LRRK2: variants seen among roughly 807,000 people sequenced by gnomAD.
The protein encoded by LRRK2 is leucine rich repeat kinase 2.
Under a neutral mutation model 302.6 loss-of-function variants are expected in LRRK2, and 203 were observed. That is an observed-to-expected ratio of 0.67 (90% CI 0.60 to 0.75). The LOEUF (loss-of-function observed/expected upper bound fraction) is 0.75. Among genes scored for constraint, LRRK2 ranks in the 30% least tolerant of loss-of-function variants. LRRK2 has a pLI of 0.00. For synonymous variants in LRRK2, 1,066 were observed against 1,031.9 expected, an observed-to-expected ratio of 1.03 and a Z score of -0.63; for missense variants, 2,830 against 2,951.0, an observed-to-expected ratio of 0.96 and a Z score of 0.95.
chr12:40,348,603 A>G, intron 43 of LRRK2, 94 bp downstream of exon 43: 1 of 807,990 alleles, frequency 1.2e-6, no homozygotes, highest in Non-Finnish European at 2.0e-6. Flanking sequence ...TAAACACATA[A>G]ACACACAGAG....
intron 3 of LRRK2, among the ~76,000 whole-genome samples, chr12:40,235,171 G>A (rs1941392874): frequency 6.6e-6 from 1 of 152,116 alleles, no homozygotes. Flanking sequence ...CAGGTTTGTA[G>A]AAAGAAACAA....
rs766833820 is a variant in LRRK2, at chr12:40,232,277, G to A, written c.241G>A (p.Gly81Ser). 6 of 1,611,176 alleles carry A rather than the reference G, an allele frequency of 3.7e-6. No homozygotes were observed. The South Asian group carries it at 6.6e-5, about 18-fold the overall frequency. The change falls in exon 3 of 51, where the codon GGT (glycine) becomes AGT (serine). Residue 81 changes from glycine to serine, a missense_variant. By Grantham distance (56) the Gly-to-Ser change is moderately conservative. Coordinates refer to ENST00000298910, the MANE Select transcript of LRRK2 (RefSeq NM_198578.4). Reference sequence around the variant, plus strand: ...TATATGTCTTTCTTGTTTTCAGGTGGGTTGGTCACTTCTGTGCAAATTAAT... The same window carrying A: ...TATATGTCTTTCTTGTTTTCAGGTGAGTTGGTCACTTCTGTGCAAATTAAT... The part of the protein sequence containing the change: ...YMRVASVQQV[G>S]WSLLCKLIEV...
Position 40,357,479 on chromosome 12 carries a change from T to A in LRRK2, c.6843+1292T>A, listed in dbSNP as rs1946574104. Among the ~76,000 whole-genome samples, 3 of 152,360 alleles carry A rather than the reference T, an allele frequency of 2.0e-5. No individual in the cohort carries two copies. In the South Asian group the frequency reaches 6.2e-4, roughly 32 times the overall value. Reference sequence around the variant, plus strand: ...TATCAGTAGTAACATTGTTGGATTGTATGGTAGTTCTATTTTTAATTTTTT... The same window carrying A: ...TATCAGTAGTAACATTGTTGGATTGAATGGTAGTTCTATTTTTAATTTTTT... On this transcript the variant is annotated intron_variant, in intron 46 of 50. Coordinates refer to ENST00000298910, the MANE Select transcript of LRRK2 (RefSeq NM_198578.4).
At chr12:40,241,846 A>T (rs1941736110) in intron 6 of LRRK2, among the ~76,000 whole-genome samples, 1 of 152,178 alleles carries the variant, frequency 6.6e-6, no homozygotes, top group South Asian at 2.1e-4. Context: ...ATAAAATCAC[A>T]ATGTTTTCTT....
intron 43 of LRRK2, 55 bp downstream of exon 43, chr12:40,348,564 T>A (rs1189821526): frequency 3.9e-6 from 4 of 1,028,368 alleles, no homozygotes; most frequent in East Asian, 2.6e-5. Context: ...CATATATGCA[T>A]ATATATATAA....
chr12:40,255,838 T>C (rs1942475839), intron 11 of LRRK2, among the ~76,000 whole-genome samples: 1 of 152,162 alleles, frequency 6.6e-6, no homozygotes, highest in Non-Finnish European at 1.5e-5. Context: ...ACCAACTCTT[T>C]ATTGTATCTT....
chr12:40,250,278 T>C (rs1251721505), intron 8 of LRRK2, among the ~76,000 whole-genome samples: 1 of 151,988 alleles, frequency 6.6e-6, no homozygotes, highest in Non-Finnish European at 1.5e-5. Context: ...GATCACAAGG[T>C]CAGGAGTTCG....
chr12:40,323,091 T>A, intron 37 of LRRK2, 69 bp from the exon 38 acceptor site: 1 of 1,405,020 alleles, frequency 7.1e-7, no homozygotes, highest in Non-Finnish European at 1.0e-6. Flanking sequence ...TTTTTTCACA[T>A]CAAAACCACA....
At chr12:40,291,877 GTTGT>G (rs1406343582) in intron 20 of LRRK2, among the ~76,000 whole-genome samples, 4 of 151,898 alleles carry the variant, frequency 2.6e-5, no homozygotes, top group Non-Finnish European at 5.9e-5. Context: ...TTGAAGCTCT[GTTGT>G]TTGTTGTGCA....
chr12:40,315,372 A>G (rs1390422272), intron 33 of LRRK2, 72 bp downstream of exon 33: 1 of 1,276,080 alleles, frequency 7.8e-7, no homozygotes, highest in Non-Finnish European at 1.1e-6. Context: ...CAGAGCATTG[A>G]GCATTTTAGA....
chr12:40,239,143 C>A (rs1386874785), intron 5 of LRRK2, among the ~76,000 whole-genome samples: 1 of 152,106 alleles, frequency 6.6e-6, no homozygotes, highest in Non-Finnish European at 1.5e-5. Context: ...ATCTGAGAAA[C>A]ATCTTCCCAT....
intron 44 of LRRK2, among the ~76,000 whole-genome samples, chr12:40,352,783 G>A (rs1946395130): frequency 6.6e-6 from 1 of 151,784 alleles, no homozygotes; most frequent in South Asian, 2.1e-4. Context: ...TGGGGGCAAG[G>A]TCATAGATCA....
At chr12:40,307,028 A>G (rs953274443) in intron 28 of LRRK2, among the ~76,000 whole-genome samples, 3 of 151,306 alleles carry the variant, frequency 2.0e-5, no homozygotes, top group Admixed American at 2.0e-4. Flanking sequence ...ATACTGTATT[A>G]TCTAACTAAA....
At chr12:40,261,412 G>A (rs1260176843) in intron 13 of LRRK2, among the ~76,000 whole-genome samples, 1 of 152,024 alleles carries the variant, frequency 6.6e-6, no homozygotes, top group East Asian at 1.9e-4. Flanking sequence ...AAGGAAAATT[G>A]TTAGTTAACA....
At chr12:40,267,298 C>T (rs892318320) in intron 14 of LRRK2, among the ~76,000 whole-genome samples, 1 of 152,162 alleles carries the variant, frequency 6.6e-6, no homozygotes, top group Non-Finnish European at 1.5e-5. Flanking sequence ...TAATACCTAT[C>T]CTGTCTCATT....
chr12:40,225,719 CG>C, intron 2 of LRRK2, 79 bp downstream of exon 2: 1 of 1,298,156 alleles, frequency 7.7e-7, no homozygotes, highest in Non-Finnish European at 1.1e-6. Context: ...TTAATATAGC[CG>C]AGAGTTCTTG....
chr12:40,246,111 A>T lies in LRRK2; in HGVS notation c.838+2430A>T, dbSNP rs191134158. Among the ~76,000 whole-genome samples the T allele has an allele frequency of 2.3e-3, 343 of 152,052 alleles. 4 individuals are homozygous for T. The highest frequency in any genetic ancestry group is 0.02 in the Admixed American group (303 of 15,262). On this transcript the variant is annotated intron_variant, in intron 7 of 50. Transcript: ENST00000298910. ...ACAAGGGTTTAAACTTTTAAAAAAA[A>T]TTTTGTTAAGAAATTTTATTTTATT...
intron 10 of LRRK2, 133 bp downstream of exon 10, chr12:40,251,677 A>G: frequency 1.3e-6 from 1 of 745,080 alleles, no homozygotes; most frequent in Non-Finnish European, 2.2e-6. Flanking sequence ...ATGTTGCTGC[A>G]AAATAGTAGT....
At chr12:40,257,073 A>T (rs11564209) in intron 11 of LRRK2, among the ~76,000 whole-genome samples, 175 bp from the exon 12 acceptor site, 5,011 of 152,328 alleles carry the variant, frequency 0.033, 232 homozygotes, top group South Asian at 0.12. Flanking sequence ...TGGAAATGAC[A>T]TGTGTTTTAA....
Sources: gnomAD v4.1 joint callset for allele counts (sites outside exome capture counted in the v4.1 genomes callset) on GRCh38, gnomAD v4.1.1 for gene constraint, MANE v1.5 for transcripts, NCBI Gene and HGNC (gene_info 2026-07-23, HGNC 2026-07-21) for gene names.